RABGAP1: variants seen among roughly 807,000 people sequenced by gnomAD.
RABGAP1 encodes rab GTPase-activating protein 1.
Under a neutral mutation model 137.6 loss-of-function variants are expected in RABGAP1, and 23 were observed. The ratio of observed to expected loss-of-function variants is 0.17; its 90% CI spans 0.12 to 0.24. RABGAP1 has a LOEUF of 0.24. Ranked by LOEUF, RABGAP1 falls within the 10% of genes least tolerant of loss-of-function variation. The pLI is 1.00. For synonymous variants in RABGAP1, 451 were observed against 450.7 expected (o/e 1.00, Z -0.01); for missense variants, 906 against 1,275.8 (o/e 0.71, Z 4.42).
chr9:122,956,649 C>CA (rs10661742), intron 1 of RABGAP1, among the ~76,000 whole-genome samples: 98,917 of 121,542 alleles, frequency 0.81, 42,206 homozygotes, highest in Non-Finnish European at 0.93. Context: ...GACTCCGTCT[C>CA]AAAAAAAAAA....
intron 2 of RABGAP1, among the ~76,000 whole-genome samples, chr9:122,969,134 CTG>C (rs1476673275): frequency 3.3e-5 from 5 of 152,134 alleles, no homozygotes; most frequent in East Asian, 1.9e-4. Flanking sequence ...TGTACCTTTT[CTG>C]TGTTTAGATA....
At chr9:123,099,650 A>C in intron 24 of RABGAP1, 101 bp downstream of exon 24, 1 of 980,044 alleles carries the variant, frequency 1.0e-6, no homozygotes, top group Non-Finnish European at 1.6e-6. Flanking sequence ...AAAGTGAGAG[A>C]ATCTAAGCAA....
chr9:122,956,771 C>A (rs1834550125), intron 1 of RABGAP1, among the ~76,000 whole-genome samples: 1 of 151,560 alleles, frequency 6.6e-6, no homozygotes, highest in Non-Finnish European at 1.5e-5. Flanking sequence ...TAGGGTTATC[C>A]TGAAGGGAAT....
chr9:122,985,686 G>A (rs890157220), intron 3 of RABGAP1, among the ~76,000 whole-genome samples: 2 of 150,592 alleles, frequency 1.3e-5, no homozygotes, highest in African/African-American at 4.9e-5. Flanking sequence ...ATGTATATTC[G>A]ACCTAAATGT....
chr9:123,088,817 AG>A (rs1303278985), intron 19 of RABGAP1, among the ~76,000 whole-genome samples: 1 of 152,250 alleles, frequency 6.6e-6, no homozygotes, highest in Non-Finnish European at 1.5e-5. Context: ...AAGAGAATAA[AG>A]GGAGAAAAGA....
chr9:122,973,818 C>T (rs1425217625), intron 2 of RABGAP1, among the ~76,000 whole-genome samples: 2 of 151,608 alleles, frequency 1.3e-5, no homozygotes, highest in South Asian at 2.1e-4. Flanking sequence ...GAGACAAGCC[C>T]GGCCAACATG....
chr9:123,089,247 G>C (rs2034965181), intron 19 of RABGAP1, among the ~76,000 whole-genome samples: 1 of 152,088 alleles, frequency 6.6e-6, no homozygotes, highest in Admixed American at 6.5e-5. Flanking sequence ...GACTTTGGAT[G>C]GAGTCCAACT....
At chr9:122,974,519 G>A (rs1353384302) in intron 2 of RABGAP1, among the ~76,000 whole-genome samples, 1 of 149,168 alleles carries the variant, frequency 6.7e-6, no homozygotes, top group Admixed American at 6.8e-5. Flanking sequence ...GCCATGTGCA[G>A]TGGCTCATGC....
chr9:123,012,488 C>T (rs1323900542), intron 11 of RABGAP1, among the ~76,000 whole-genome samples: 1 of 152,104 alleles, frequency 6.6e-6, no homozygotes, highest in Non-Finnish European at 1.5e-5. Context: ...AAATCTGGGC[C>T]CGACTAAAGG....
At chr9:122,942,623 TTG>T (rs1833649319) in intron 1 of RABGAP1, among the ~76,000 whole-genome samples, 1 of 128,702 alleles carries the variant, frequency 7.8e-6, no homozygotes, top group Admixed American at 9.6e-5. Context: ...TGGGCCGATA[TTG>T]TGCCATTGCA....
intron 13 of RABGAP1, chr9:123,035,711 C>G: frequency 1.3e-6 from 1 of 793,204 alleles, no homozygotes; most frequent in Admixed American, 2.6e-5. Context: ...TCCTAATTCA[C>G]TAGGAAATCT....
chr9:122,964,856 A>G (rs949407510), intron 2 of RABGAP1, among the ~76,000 whole-genome samples: 14 of 152,004 alleles, frequency 9.2e-5, no homozygotes, highest in African/African-American at 3.4e-4. Flanking sequence ...AATTAGCTGA[A>G]TGTGGTGGCA....
At chr9:122,975,900 A>C (rs983857900) in intron 2 of RABGAP1, among the ~76,000 whole-genome samples, 11 of 152,156 alleles carry the variant, frequency 7.2e-5, no homozygotes, top group African/African-American at 2.2e-4. Flanking sequence ...TCAGTTACAG[A>C]GTTAATGTCA....
chr9:123,025,379 A>G (rs10985868), intron 13 of RABGAP1, among the ~76,000 whole-genome samples: 358 of 152,300 alleles, frequency 2.4e-3, no homozygotes, highest in African/African-American at 5.7e-3. Flanking sequence ...TTAATCTGCC[A>G]TAAAAACCTT....
Position 123,090,349 on chromosome 9 carries a change from G to T in RABGAP1, c.2592G>T (p.Val864=). 1 of 1,613,278 alleles carries T rather than the reference G, an allele frequency of 6.2e-7. No individual in the cohort carries two copies. Among genetic ancestry groups the T allele is most frequent in the South Asian group, 1.1e-5 (1 of 90,680 alleles). Residue 864 remains valine, a synonymous_variant, in exon 21 of 26, where the codon GTG becomes GTT. Transcript: ENST00000373647. Reference sequence around the variant, plus strand: ...ACGATGACTTAGCCCATGAGCTGGTGACCAGCAAGATTGCACTACGGAAGG... The same window carrying T: ...ACGATGACTTAGCCCATGAGCTGGTTACCAGCAAGATTGCACTACGGAAGG... ...QENDDLAHEL[V]TSKIALRKDL...
At chr9:123,040,141 G>A (rs1210915635) in intron 13 of RABGAP1, among the ~76,000 whole-genome samples, 4 of 152,100 alleles carry the variant, frequency 2.6e-5, no homozygotes, top group Non-Finnish European at 5.9e-5. Flanking sequence ...GGTGTTTCTT[G>A]TGGAAAAATT....
chr9:122,943,802 A>T (rs1472191260), intron 1 of RABGAP1, among the ~76,000 whole-genome samples: 2 of 152,078 alleles, frequency 1.3e-5, no homozygotes, highest in Admixed American at 6.5e-5. Flanking sequence ...AAATACAAAA[A>T]ATTAGCCAGG....
rs1564384245 is a variant in RABGAP1, at chr9:122,990,799, ATATAT to A, written c.923+587_923+591del. The A allele has an allele frequency of 4.4e-3, 182 of 41,728 alleles. 3 individuals are homozygous for A. The highest frequency in any genetic ancestry group is 0.013 in the African/African-American group (90 of 6,862). The allele number at this position is 41,728 out of a possible 1,614,324, so 2.6% of individuals were successfully genotyped here. On this transcript the variant is annotated intron_variant, in intron 6 of 25. Transcript: ENST00000373647. ...AAAAAAAAAAAAAAAAAAAAAAAAT[ATATAT>A]ATATATATATATATATATATATATA...
chr9:122,982,366 G>T (rs1430651843), intron 2 of RABGAP1, among the ~76,000 whole-genome samples: 1 of 152,152 alleles, frequency 6.6e-6, no homozygotes, highest in Non-Finnish European at 1.5e-5. Flanking sequence ...TTCTTTTAGG[G>T]TTAGCTACAT....
Sources: allele counts gnomAD v4.1 joint callset (sites outside exome capture counted in the v4.1 genomes callset), GRCh38; gene constraint gnomAD v4.1.1; transcripts MANE v1.5; gene names NCBI Gene and HGNC (gene_info 2026-07-23, HGNC 2026-07-21).